PLS1: variants seen among roughly 807,000 people sequenced by gnomAD.
PLS1 encodes plastin-1.
In PLS1, 32 loss-of-function variants were observed where a neutral mutation model predicts 73.7. That is an observed-to-expected ratio of 0.43 (90% CI 0.33 to 0.58). The LOEUF (loss-of-function observed/expected upper bound fraction) is 0.58. PLS1 is among the 20% of genes least tolerant of loss of function. The pLI is 0.04. For missense variants in PLS1, 633 were observed against 740.5 expected (o/e 0.85, Z 1.68); for synonymous variants, 217 against 261.3 (o/e 0.83, Z 1.63).
intron 1 of PLS1, among the ~76,000 whole-genome samples, chr3:142,663,531 C>G (rs958711266): frequency 2.0e-5 from 3 of 152,092 alleles, no homozygotes; most frequent in Non-Finnish European, 4.4e-5. Flanking sequence ...GATCCTGTCT[C>G]TACAAAAAAC....
rs1161613557 is a variant in PLS1 at position 142,703,996 on chromosome 3, G to GAGA, written c.1503_1505dup (p.Arg502dup). 1 of 1,614,016 alleles carries GAGA rather than the reference G, an allele frequency of 6.2e-7. No individual in the cohort carries two copies. The highest frequency in any genetic ancestry group is 1.7e-5 in the Admixed American group (1 of 60,016). On this transcript the variant is annotated inframe_insertion, in exon 13 of 16. Coordinates refer to ENST00000457734, the MANE Select transcript of PLS1 (RefSeq NM_001145319.2). ...CCCTGGCATTGGTATGGCAGCTGATGAGAAGGTAAAGGCTGATATGTTGGT... is the reference window on the plus strand; with the variant it reads ...CCCTGGCATTGGTATGGCAGCTGATGAGAAGAAGGTAAAGGCTGATATGTTGGT...
intron 1 of PLS1, among the ~76,000 whole-genome samples, chr3:142,652,157 A>C (rs369156012): frequency 6.6e-6 from 1 of 152,206 alleles, no homozygotes; most frequent in East Asian, 1.9e-4. Context: ...GCCGTGGGGC[A>C]TCATTGTTCA....
At position 142,694,458 on chromosome 3, in the gene PLS1, G is replaced by A. The variant is rs1269850409; in HGVS notation, c.1178-11G>A. On this transcript the variant is annotated splice_polypyrimidine_tract_variant and intron_variant, in intron 10 of 15. Transcript: ENST00000457734. The stretch of plus-strand genomic sequence containing the variant: ...TCCTGAGTCATCAGTGTGAGCTTGT[G>A]TCTACTCTAGGAGAGAGCAAGGAAG... The A allele has an allele frequency of 6.4e-7, 1 of 1,568,544 alleles. No homozygotes were observed. The highest frequency in any genetic ancestry group is 8.8e-7 in the Non-Finnish European group (1 of 1,140,076).
intron 11 of PLS1, 100 bp downstream of exon 11, chr3:142,694,647 A>G: frequency 3.2e-6 from 2 of 621,548 alleles, no homozygotes; most frequent in Non-Finnish European, 5.6e-6. Context: ...AAGTTGCAAG[A>G]ATTTTAGCCA....
intron 4 of PLS1, among the ~76,000 whole-genome samples, chr3:142,672,461 G>A (rs1422284000): frequency 6.6e-6 from 1 of 150,414 alleles, no homozygotes; most frequent in Non-Finnish European, 1.5e-5. Flanking sequence ...TCTTGCCTCA[G>A]CCTCCTGAGT....
At chr3:142,665,463 T>C (rs1223383789) in intron 2 of PLS1, among the ~76,000 whole-genome samples, 1 of 152,212 alleles carries the variant, frequency 6.6e-6, no homozygotes, top group Non-Finnish European at 1.5e-5. Flanking sequence ...GGTATGATTT[T>C]CAGAAAACAA....
In PLS1 at chr3:142,712,514, G is replaced by C. The variant is rs1933186967; in HGVS notation, c.*507G>C. On this transcript the variant is annotated 3_prime_UTR_variant, in exon 16 of 16. Transcript: ENST00000457734. The stretch of plus-strand genomic sequence containing the variant: ...ACTGTCTAAAACCTTATGGTGACCA[G>C]AATTGTTTATTAATATCAAACTTTT... The C allele has an allele frequency of 6.6e-6, 1 of 152,490 alleles. No homozygotes were observed. Among genetic ancestry groups the C allele is most frequent in the South Asian group, 2.1e-4 (1 of 4,820 alleles). The allele number at this position is 152,490 out of a possible 1,614,324, so 9.4% of individuals were successfully genotyped here.
chr3:142,678,757 GC>G (rs1288862341), intron 6 of PLS1, among the ~76,000 whole-genome samples: 3 of 151,686 alleles, frequency 2.0e-5, no homozygotes, highest in African/African-American at 7.3e-5. Context: ...CTTTATAGCA[GC>G]ATGATTTATA....
chr3:142,630,029 C>CTAAG (rs1560038273), intron 1 of PLS1, among the ~76,000 whole-genome samples: 1 of 152,144 alleles, frequency 6.6e-6, no homozygotes, highest in Admixed American at 6.5e-5. Flanking sequence ...AAAGCAAGAC[C>CTAAG]TAAGGGTCAA....
intron 1 of PLS1, among the ~76,000 whole-genome samples, chr3:142,620,082 G>A (rs1012322637): frequency 6.6e-6 from 1 of 151,686 alleles, no homozygotes; most frequent in Non-Finnish European, 1.5e-5. Context: ...ATTCTCAGGG[G>A]TCATCACTAC....
chr3:142,667,201 G>A, intron 2 of PLS1, among the ~76,000 whole-genome samples: 1 of 152,168 alleles, frequency 6.6e-6, no homozygotes, highest in South Asian at 2.1e-4. Context: ...CGGATCACAA[G>A]GTCAAGAGAT....
In PLS1 at chr3:142,644,410, C is replaced by T. The variant is rs573128677; in HGVS notation, c.-36-19792C>T. On this transcript the variant is annotated intron_variant, in intron 1 of 15. Transcript: ENST00000457734. Reference sequence around the variant, plus strand: ...AGACCACAGGTGCATGTCACCACGCCTGGCTAATTTATTTTTATTTTTCAT... The same window carrying T: ...AGACCACAGGTGCATGTCACCACGCTTGGCTAATTTATTTTTATTTTTCAT... Among the ~76,000 whole-genome samples the T allele has an allele frequency of 1.8e-4, 27 of 152,122 alleles. No individual in the cohort carries two copies. The South Asian group carries it at 5.6e-3, about 32-fold the overall frequency.
chr3:142,610,930 G>T (rs573771608), intron 1 of PLS1, among the ~76,000 whole-genome samples: 1 of 152,282 alleles, frequency 6.6e-6, no homozygotes, highest in East Asian at 1.9e-4. Context: ...TAACAGTCTA[G>T]ACCAGAAGTT....
At chr3:142,704,635 A>ATTTTTTTTTTTTTTTTT (rs10631186) in intron 14 of PLS1, 49 bp downstream of exon 14, 6 of 248,090 alleles carry the variant, frequency 2.4e-5, no homozygotes, top group African/African-American at 1.5e-4. Flanking sequence ...ATAGGAAGGA[A>ATTTTTTTTTTTTTTTTT]TTTTTTTTTT....
At chr3:142,638,487 A>G (rs2036752804) in intron 1 of PLS1, among the ~76,000 whole-genome samples, 1 of 152,206 alleles carries the variant, frequency 6.6e-6, no homozygotes, top group Non-Finnish European at 1.5e-5. Context: ...GTTGGCGGAA[A>G]CATGCCTGCT....
chr3:142,687,366 G>C (rs1384590724), intron 9 of PLS1, among the ~76,000 whole-genome samples: 1 of 152,102 alleles, frequency 6.6e-6, no homozygotes, highest in Non-Finnish European at 1.5e-5. Context: ...ATTAAAATTT[G>C]GTCAGATAAT....
intron 2 of PLS1, among the ~76,000 whole-genome samples, chr3:142,666,247 T>TCTTCTAC (rs2107832515): frequency 1.3e-5 from 2 of 152,356 alleles, no homozygotes; most frequent in East Asian, 3.9e-4. Context: ...ACATTCACAT[T>TCTTCTAC]GTTCTACATT....
At chr3:142,695,033 T>C (rs765370909) in intron 11 of PLS1, among the ~76,000 whole-genome samples, 2 of 152,182 alleles carry the variant, frequency 1.3e-5, no homozygotes, top group African/African-American at 2.4e-5. Flanking sequence ...TTATTGACAT[T>C]AGTAGGGCTA....
chr3:142,668,680 C>A (rs748582574), intron 2 of PLS1, among the ~76,000 whole-genome samples: 1 of 151,604 alleles, frequency 6.6e-6, no homozygotes, highest in African/African-American at 2.4e-5. Context: ...CGGCTCACTG[C>A]AACTTCTGCC....
Sources: gnomAD v4.1 joint callset for allele counts (sites outside exome capture counted in the v4.1 genomes callset) on GRCh38, gnomAD v4.1.1 for gene constraint, MANE v1.5 for transcripts, NCBI Gene and HGNC (gene_info 2026-07-23, HGNC 2026-07-21) for gene names.